Variants in BIVM observed in about 807,000 individuals in gnomAD.
BIVM encodes the protein basic, immunoglobulin-like variable motif containing.
BIVM carries 31 observed loss-of-function variants against 61.4 expected under a neutral mutation model. The ratio of observed to expected loss-of-function variants is 0.51; its 90% CI spans 0.38 to 0.68. The LOEUF (loss-of-function observed/expected upper bound fraction) is 0.68. Ranked by LOEUF, BIVM falls within the 30% of genes least tolerant of loss-of-function variation. The pLI is 0.00. For missense variants in BIVM, 526 were observed against 596.0 expected (o/e 0.88, Z 1.22); for synonymous variants, 189 against 210.7 (o/e 0.90, Z 0.89).
intron 10 of BIVM, among the ~76,000 whole-genome samples, 169 bp downstream of exon 10, chr13:102,838,908 C>A (rs1483293383): frequency 6.6e-6 from 1 of 152,106 alleles, no homozygotes; most frequent in African/African-American, 2.4e-5. Context: ...AGGGGTATAA[C>A]CTGGAGTCAT....
At chr13:102,803,634 G>A (rs1471366331) in intron 1 of BIVM, among the ~76,000 whole-genome samples, 1 of 151,932 alleles carries the variant, frequency 6.6e-6, no homozygotes, top group Admixed American at 6.6e-5. Flanking sequence ...AAGGGGCAGG[G>A]CCTGGAACAT....
chr13:102,816,718 A>G (rs1879888591), intron 4 of BIVM, 164 bp downstream of exon 4: 1 of 668,432 alleles, frequency 1.5e-6, no homozygotes, highest in Non-Finnish European at 2.1e-6. Flanking sequence ...AAATGTTTGA[A>G]GTAGATTAAT....
intron 7 of BIVM, among the ~76,000 whole-genome samples, chr13:102,826,400 A>T (rs1186411571): frequency 6.6e-6 from 1 of 152,164 alleles, no homozygotes; most frequent in Non-Finnish European, 1.5e-5. Flanking sequence ...CAACTCATTG[A>T]ATCTGAAGTT....
chr13:102,838,326 C>A (rs559018725), intron 9 of BIVM, among the ~76,000 whole-genome samples: 43 of 152,280 alleles, frequency 2.8e-4, no homozygotes, highest in African/African-American at 1.0e-3. Context: ...TAAAAGTGGA[C>A]TTGACTGTAA....
intron 3 of BIVM, among the ~76,000 whole-genome samples, chr13:102,815,543 T>G (rs11840808): frequency 0.06 from 9,101 of 152,276 alleles, 870 homozygotes; most frequent in African/African-American, 0.2. Flanking sequence ...TACCCCATTC[T>G]CCATGATGTG....
intron 7 of BIVM, among the ~76,000 whole-genome samples, chr13:102,826,975 A>G (rs537509197): frequency 2.6e-4 from 40 of 152,342 alleles, no homozygotes; most frequent in Non-Finnish European, 5.0e-4. Flanking sequence ...ATACTTTTAT[A>G]ATTAATGGAA....
At chr13:102,833,165 G>C (rs1566455737) in intron 8 of BIVM, among the ~76,000 whole-genome samples, 1 of 151,570 alleles carries the variant, frequency 6.6e-6, no homozygotes, top group Non-Finnish European at 1.5e-5. Flanking sequence ...AGGCTGAGAC[G>C]GGAGGATCGC....
At chr13:102,837,721 T>TA (rs1371228055) in intron 9 of BIVM, among the ~76,000 whole-genome samples, 1 of 152,168 alleles carries the variant, frequency 6.6e-6, no homozygotes, top group East Asian at 1.9e-4. Context: ...TACTCAGCCA[T>TA]AAAAAGGAAT....
At chr13:102,830,792 C>T (rs1021087508) in intron 7 of BIVM, among the ~76,000 whole-genome samples, 2 of 152,126 alleles carry the variant, frequency 1.3e-5, no homozygotes, top group East Asian at 1.9e-4. Context: ...CTCAGCAAAG[C>T]GAGAAGGGTT....
chr13:102,825,812 A>T (rs373948196), intron 7 of BIVM, among the ~76,000 whole-genome samples: 2 of 151,978 alleles, frequency 1.3e-5, no homozygotes, highest in South Asian at 4.1e-4. Flanking sequence ...ACCTGGGGGG[A>T]TGGCTTTTTC....
intron 8 of BIVM, among the ~76,000 whole-genome samples, chr13:102,834,062 G>A (rs1339402188): frequency 6.6e-6 from 1 of 152,210 alleles, no homozygotes; most frequent in East Asian, 1.9e-4. Context: ...GAATGTCCAG[G>A]GATGGGTTTA....
intron 3 of BIVM, among the ~76,000 whole-genome samples, chr13:102,811,462 C>A (rs1879490409): frequency 6.6e-6 from 1 of 152,170 alleles, no homozygotes; most frequent in African/African-American, 2.4e-5. Context: ...TATTAACAGT[C>A]CATTGTATGT....
intron 3 of BIVM, among the ~76,000 whole-genome samples, chr13:102,811,060 T>C (rs140993671): frequency 4.6e-5 from 7 of 152,276 alleles, no homozygotes; most frequent in African/African-American, 1.7e-4. Flanking sequence ...AATAATAATT[T>C]CTCAAAAATG....
At chr13:102,821,921 T>A in intron 6 of BIVM, 74 bp downstream of exon 6, 1 of 1,555,270 alleles carries the variant, frequency 6.4e-7, no homozygotes, top group Non-Finnish European at 8.8e-7. Context: ...TGTGTGTTGA[T>A]AGTAAACCAT....
Position 102,839,755 on chromosome 13 carries a change from T to TC in BIVM, c.1403dup (p.Ser470GlnfsTer3). On this transcript the variant is annotated frameshift_variant, in exon 11 of 11. Transcript: ENST00000257336. LOFTEE classifies it high-confidence loss of function. ...GAAGCAGCATGGGCGTCTGGGCCGG[T>TC]CTTTCAGTGCTAGTTTCCATCAGGA... 6.2e-7 allele frequency: 1 copy of TC among 1,614,152 alleles called. No homozygotes were observed. Among genetic ancestry groups the TC allele is most frequent in the Non-Finnish European group, 8.5e-7 (1 of 1,180,042 alleles).
At chr13:102,811,558 T>G (rs562773019) in intron 3 of BIVM, among the ~76,000 whole-genome samples, 2 of 152,242 alleles carry the variant, frequency 1.3e-5, no homozygotes, top group South Asian at 4.1e-4. Flanking sequence ...AGTTTTGTTC[T>G]TGTTGCCCAG....
At chr13:102,817,584 C>CT (rs753444892) in intron 4 of BIVM, among the ~76,000 whole-genome samples, 57 of 152,208 alleles carry the variant, frequency 3.7e-4, no homozygotes, top group Non-Finnish European at 7.4e-4. Context: ...GTTCCATCAG[C>CT]TTTTTACCTT....
At chr13:102,825,776 A>G (rs1471825280) in intron 7 of BIVM, among the ~76,000 whole-genome samples, 3 of 152,128 alleles carry the variant, frequency 2.0e-5, no homozygotes, top group African/African-American at 4.8e-5. Context: ...CAGCGTAACA[A>G]ATGGATATGG....
Position 102,800,574 on chromosome 13 carries a change from G to C in BIVM, c.-207+1053G>C, listed in dbSNP as rs1040847987. On this transcript the variant is annotated intron_variant, in intron 1 of 10. Coordinates refer to ENST00000257336, the MANE Select transcript of BIVM (RefSeq NM_017693.4). ...CTTGGCCTGCGCGACTGTCTACTCC[G>C]TCCCGGCGGCCTCGGAGCCCGGCCG... 2.6e-5 allele frequency: 4 copies of C among 152,266 alleles called. No homozygotes were observed. In the East Asian group the frequency reaches 5.8e-4, roughly 22 times the overall value. The allele number at this position is 152,266 out of a possible 1,614,324, so 9.4% of individuals were successfully genotyped here. A position where few individuals can be genotyped will look rare whatever the true frequency, so the allele number is the denominator to read the frequency against.
Sources: gnomAD v4.1 joint callset for allele counts (sites outside exome capture counted in the v4.1 genomes callset) on GRCh38, gnomAD v4.1.1 for gene constraint, MANE v1.5 for transcripts, NCBI Gene and HGNC (gene_info 2026-07-23, HGNC 2026-07-21) for gene names.